The following SCN9A variants were observed in gnomAD, a reference collection of about 807,000 sequenced individuals.
SCN9A encodes the protein sodium channel protein type 9 subunit alpha.
SCN9A carries 131 observed loss-of-function variants against 187.0 expected under a neutral mutation model. That is an observed-to-expected ratio of 0.70 (90% CI 0.61 to 0.81). SCN9A has a LOEUF of 0.81. Ranked by LOEUF, SCN9A falls within the 30% of genes least tolerant of loss-of-function variation. The probability of loss-of-function intolerance (pLI) is 0.00; values close to 1 mark genes in which losing one functional copy is unlikely to be tolerated. For synonymous variants in SCN9A, 809 were observed against 808.6 expected, an observed-to-expected ratio of 1.00 and a Z score of -0.01; for missense variants, 2,252 against 2,396.6, an observed-to-expected ratio of 0.94 and a Z score of 1.26.
At chr2:166,308,827 G>A (rs1003126523) in intron 2 of SCN9A, among the ~76,000 whole-genome samples, 3 of 151,084 alleles carry the variant, frequency 2.0e-5, no homozygotes, top group Non-Finnish European at 4.4e-5. Flanking sequence ...CCTGGAGGCT[G>A]AGGTGGGAGA....
intron 8 of SCN9A, among the ~76,000 whole-genome samples, chr2:166,293,622 T>C (rs1028149163): frequency 6.6e-6 from 1 of 152,216 alleles, no homozygotes; most frequent in Non-Finnish European, 1.5e-5. Flanking sequence ...TTAAATAAGA[T>C]AATGTGTACA....
intron 17 of SCN9A, among the ~76,000 whole-genome samples, chr2:166,255,448 GC>G (rs1696225487): frequency 6.8e-6 from 1 of 147,632 alleles, no homozygotes; most frequent in African/African-American, 2.5e-5. Flanking sequence ...AACGATGTAA[GC>G]CTATTTCATG....
intron 9 of SCN9A, among the ~76,000 whole-genome samples, chr2:166,291,605 T>C (rs1698072821): frequency 6.6e-6 from 1 of 152,072 alleles, no homozygotes; most frequent in Non-Finnish European, 1.5e-5. Context: ...AAAGAGCACA[T>C]ATAGCAAAGA....
intron 21 of SCN9A, among the ~76,000 whole-genome samples, chr2:166,231,856 TATCAGTA>T (rs1267031609): frequency 6.6e-6 from 1 of 152,148 alleles, no homozygotes; most frequent in African/African-American, 2.4e-5. Flanking sequence ...ACACTTAAAG[TATCAGTA>T]AGCTGGACTA....
chr2:166,288,689 T>A, intron 9 of SCN9A, 46 bp from the exon 10 acceptor site: 1 of 1,439,502 alleles, frequency 6.9e-7, no homozygotes, highest in Non-Finnish European at 9.4e-7. Context: ...AAAGTTTTTT[T>A]AGTAAATTAT....
At chr2:166,287,394 T>A (rs903622570) in intron 10 of SCN9A, among the ~76,000 whole-genome samples, 31 of 152,016 alleles carry the variant, frequency 2.0e-4, no homozygotes, top group African/African-American at 4.6e-4. Context: ...AAAATAATTT[T>A]AAAAAAACAC....
At chr2:166,242,396 G>C (rs960219092) in intron 19 of SCN9A, 106 bp downstream of exon 19, 4 of 995,928 alleles carry the variant, frequency 4.0e-6, no homozygotes, top group African/African-American at 1.6e-5. Context: ...CTAATCATAG[G>C]GATTAATTCT....
At chr2:166,259,181 C>T (rs1282487990) in intron 17 of SCN9A, 1 of 151,534 alleles carries the variant, frequency 6.6e-6, no homozygotes, top group African/African-American at 2.4e-5. Flanking sequence ...GAAAAAATAT[C>T]GTATGTATGA....
chr2:166,248,583 T>G (rs1695895875), intron 18 of SCN9A, among the ~76,000 whole-genome samples: 1 of 152,134 alleles, frequency 6.6e-6, no homozygotes, highest in Admixed American at 6.6e-5. Context: ...TAAAATCACA[T>G]CCTTATAATG....
At chr2:166,362,259 T>C (rs1219810177) in intron 1 of SCN9A, among the ~76,000 whole-genome samples, 1 of 152,046 alleles carries the variant, frequency 6.6e-6, no homozygotes, top group Non-Finnish European at 1.5e-5. Context: ...AACATGTTCA[T>C]AGATATGACT....
At chr2:166,209,148 C>T (rs2106355162) in intron 24 of SCN9A, among the ~76,000 whole-genome samples, 1 of 152,250 alleles carries the variant, frequency 6.6e-6, no homozygotes, top group East Asian at 1.9e-4. Flanking sequence ...AAAGGTCTTG[C>T]CCTGTCAAAG....
In SCN9A at chr2:166,340,145, A is replaced by G. The variant is rs1466332653; in HGVS notation, c.-50-28339T>C. 2.6e-4 allele frequency among the ~76,000 whole-genome samples: 40 copies of G among 152,226 alleles called. 1 individual carries two copies. The highest frequency in any genetic ancestry group is 2.6e-3 in the Admixed American group (40 of 15,272). On this transcript the variant is annotated intron_variant, in intron 1 of 26. Transcript: ENST00000642356. ...CTCCTTAATGAAAATGAGTGAAGAC[A>G]AAAGCCTCAAATAACACATCTTGGG...
At position 166,310,555 on chromosome 2, in the gene SCN9A, C is replaced by T. The variant is rs1381395273; in HGVS notation, c.258+944G>A. 3.3e-5 allele frequency among the ~76,000 whole-genome samples: 3 copies of T among 90,392 alleles called. No homozygotes were observed. The East Asian group carries it at 7.5e-4, about 23-fold the overall frequency. The allele number at this position is 90,392 out of a possible 152,430, so 59.3% of individuals were successfully genotyped here. A position where few individuals can be genotyped will look rare whatever the true frequency, so the allele number is the denominator to read the frequency against. On this transcript the variant is annotated intron_variant, in intron 2 of 26. Coordinates refer to ENST00000642356, the MANE Select transcript of SCN9A (RefSeq NM_001365536.1). The stretch of plus-strand genomic sequence containing the variant: ...TGCAAATCAAAACCACAATGAGATA[C>T]CATCTCACACCAGTTAGAATGGCAA...
chr2:166,312,027 C>T (rs1358233830), intron 1 of SCN9A, among the ~76,000 whole-genome samples: 1 of 152,068 alleles, frequency 6.6e-6, no homozygotes, highest in African/African-American at 2.4e-5. Flanking sequence ...TTGAAGTTTA[C>T]GCTTCATAGC....
intron 1 of SCN9A, among the ~76,000 whole-genome samples, chr2:166,327,670 C>A (rs1699397468): frequency 1.4e-5 from 1 of 71,682 alleles, no homozygotes; most frequent in Admixed American, 1.1e-4. Flanking sequence ...TGAATCTATA[C>A]AATCCTCTTT....
chr2:166,274,290 T>C (rs1419400489), intron 16 of SCN9A, among the ~76,000 whole-genome samples: 1 of 152,120 alleles, frequency 6.6e-6, no homozygotes, highest in Non-Finnish European at 1.5e-5. Context: ...ATAAAGTCCA[T>C]TTGTATCATC....
At chr2:166,370,114 T>C (rs866178297) in intron 1 of SCN9A, among the ~76,000 whole-genome samples, 3 of 151,516 alleles carry the variant, frequency 2.0e-5, no homozygotes, top group Non-Finnish European at 4.4e-5. Context: ...ATAATTACAT[T>C]GGATTTAAAA....
At chr2:166,286,208 G>T in intron 11 of SCN9A, 128 bp downstream of exon 11, 1 of 902,566 alleles carries the variant, frequency 1.1e-6, no homozygotes, top group Non-Finnish European at 1.7e-6. Flanking sequence ...AGCGATACTA[G>T]GTTTTTACCT....
At chr2:166,256,786 T>C (rs1407811867) in intron 17 of SCN9A, among the ~76,000 whole-genome samples, 1 of 151,490 alleles carries the variant, frequency 6.6e-6, no homozygotes, top group East Asian at 1.9e-4. Context: ...GTTGGTGAAA[T>C]AATGAGGTCA....
Sources: gnomAD v4.1 joint callset for allele counts (sites outside exome capture counted in the v4.1 genomes callset) on GRCh38, gnomAD v4.1.1 for gene constraint, MANE v1.5 for transcripts, NCBI Gene and HGNC (gene_info 2026-07-23, HGNC 2026-07-21) for gene names.